Variants in ROBO1 observed in about 807,000 individuals in gnomAD.
ROBO1 encodes the protein roundabout guidance receptor 1, also known as roundabout homolog 1.
ROBO1 carries 149 observed loss-of-function variants against 195.9 expected under a neutral mutation model. The ratio of observed to expected loss-of-function variants is 0.76; its 90% CI spans 0.67 to 0.87. ROBO1 has a LOEUF of 0.87. ROBO1 is among the 40% of genes least tolerant of loss of function. The probability of loss-of-function intolerance (pLI) is 0.00; values close to 1 mark genes in which losing one functional copy is unlikely to be tolerated. For synonymous variants in ROBO1, 816 were observed against 733.2 expected (o/e 1.11, Z -1.82); for missense variants, 1,933 against 2,068.3 (o/e 0.93, Z 1.27).
intron 5 of ROBO1, among the ~76,000 whole-genome samples, chr3:78,733,495 A>T (rs1380286617): frequency 1.3e-5 from 2 of 152,188 alleles, no homozygotes; most frequent in Non-Finnish European, 2.9e-5. Flanking sequence ...GATTACAAGC[A>T]ATTAGAAAAG....
chr3:79,187,388 G>C (rs1029497926), intron 2 of ROBO1, among the ~76,000 whole-genome samples: 2 of 151,958 alleles, frequency 1.3e-5, no homozygotes, highest in African/African-American at 4.8e-5. Flanking sequence ...CTCTGGAGCT[G>C]CATGGATCAC....
intron 6 of ROBO1, 47 bp downstream of exon 6, chr3:78,717,716 T>A: frequency 6.3e-7 from 1 of 1,592,264 alleles, no homozygotes; most frequent in South Asian, 1.1e-5. Context: ...CACAAAATGA[T>A]AAGAGATCTA....
chr3:78,630,525 G>A (rs140268428), intron 25 of ROBO1, among the ~76,000 whole-genome samples: 207 of 152,180 alleles, frequency 1.4e-3, no homozygotes, highest in Non-Finnish European at 2.4e-3. Flanking sequence ...CGATTTATTC[G>A]TTAATTCTCC....
At chr3:79,460,741 TTC>T (rs947135504) in intron 2 of ROBO1, among the ~76,000 whole-genome samples, 7 of 152,226 alleles carry the variant, frequency 4.6e-5, no homozygotes, top group African/African-American at 1.7e-4. Context: ...CAGTATTTTT[TTC>T]TTTTTTCCTT....
intron 2 of ROBO1, among the ~76,000 whole-genome samples, chr3:79,140,311 T>C (rs185883268): frequency 1.9e-4 from 29 of 152,306 alleles, no homozygotes; most frequent in Admixed American, 1.9e-3. Flanking sequence ...ATTTACTTGA[T>C]ATTTTGGAAT....
chr3:79,165,269 T>C (rs2081042051), intron 2 of ROBO1, among the ~76,000 whole-genome samples: 1 of 152,202 alleles, frequency 6.6e-6, no homozygotes, highest in African/African-American at 2.4e-5. Flanking sequence ...TCTACCATAG[T>C]GTTTGTAGTA....
intron 1 of ROBO1, among the ~76,000 whole-genome samples, chr3:79,683,263 C>A (rs892225829): frequency 1.3e-5 from 2 of 151,980 alleles, no homozygotes; most frequent in African/African-American, 4.8e-5. Context: ...CTGATCCTTT[C>A]CCTCTTCCTC....
rs146344153 is a variant in ROBO1, at chr3:79,061,274, C to T, written c.172+64182G>A. On this transcript the variant is annotated intron_variant, in intron 3 of 30. Transcript: ENST00000464233. ...CAATTACTACAAAGAGAATAAAATA[C>T]CTAGAAATCCAACTTACAAGGGATG... is the stretch of plus-strand genomic sequence containing the variant. 2.7e-3 allele frequency among the ~76,000 whole-genome samples: 406 copies of T among 152,184 alleles called. 2 individuals are homozygous for T. Among genetic ancestry groups the T allele is most frequent in the Middle Eastern group, 0.01 (3 of 294 alleles).
At chr3:79,612,123 C>A (rs1944678373) in intron 1 of ROBO1, among the ~76,000 whole-genome samples, 1 of 150,604 alleles carries the variant, frequency 6.6e-6, no homozygotes, top group Non-Finnish European at 1.5e-5. Flanking sequence ...TGGTGCGCTG[C>A]ACCCACTAAC....
chr3:79,236,505 A>AT (rs980535955), intron 2 of ROBO1, among the ~76,000 whole-genome samples: 2 of 151,808 alleles, frequency 1.3e-5, no homozygotes, highest in African/African-American at 4.8e-5. Context: ...TTCCAATAAC[A>AT]TTTTTTTTGA....
At chr3:78,765,758 T>C (rs577303462) in intron 4 of ROBO1, among the ~76,000 whole-genome samples, 1 of 152,162 alleles carries the variant, frequency 6.6e-6, no homozygotes, top group East Asian at 1.9e-4. Flanking sequence ...GTTAAACAGA[T>C]GGCACTCAGG....
intron 2 of ROBO1, among the ~76,000 whole-genome samples, chr3:79,299,603 C>T (rs2032785031): frequency 6.6e-6 from 1 of 151,836 alleles, no homozygotes; most frequent in Non-Finnish European, 1.5e-5. Context: ...AAAGTGTTTG[C>T]CAATAATATA....
At chr3:79,523,193 A>G (rs1225325170) in intron 2 of ROBO1, among the ~76,000 whole-genome samples, 1 of 148,198 alleles carries the variant, frequency 6.7e-6, no homozygotes, top group Non-Finnish European at 1.5e-5. Flanking sequence ...ACACACACAC[A>G]CAAATTAGTA....
chr3:79,056,761 C>G (rs192822679), intron 3 of ROBO1, among the ~76,000 whole-genome samples: 1 of 152,144 alleles, frequency 6.6e-6, no homozygotes, highest in East Asian at 1.9e-4. Context: ...CTTTCTCAGC[C>G]TTTTCAGCTT....
At chr3:78,927,362 G>T (rs944742015) in intron 4 of ROBO1, among the ~76,000 whole-genome samples, 1 of 152,096 alleles carries the variant, frequency 6.6e-6, no homozygotes, top group African/African-American at 2.4e-5. Context: ...TTTTAAAATT[G>T]TATTTTCTTC....
At chr3:79,330,435 G>T (rs1288969133) in intron 2 of ROBO1, among the ~76,000 whole-genome samples, 2 of 150,952 alleles carry the variant, frequency 1.3e-5, no homozygotes, top group Admixed American at 6.6e-5. Context: ...ACTCATAATG[G>T]TTTTTATATT....
intron 2 of ROBO1, among the ~76,000 whole-genome samples, chr3:79,219,415 T>C (rs753687426): frequency 2.5e-4 from 38 of 151,976 alleles, no homozygotes; most frequent in Admixed American, 5.9e-4. Flanking sequence ...GCTTGTACCA[T>C]GTAAATGTGA....
rs1206904526 is a variant in ROBO1, at chr3:78,851,391, A to T, written c.499+87210T>A. ...TCTTAGTTTACGTATGAATACTGTC[A>T]TTAAAAAGACAATGATTAGAGTTAC... On this transcript the variant is annotated intron_variant, in intron 4 of 30. Transcript: ENST00000464233. 1.3e-5 allele frequency among the ~76,000 whole-genome samples: 2 copies of T among 152,240 alleles called. 1 individual carries two copies.
intron 1 of ROBO1, among the ~76,000 whole-genome samples, chr3:79,618,959 A>T (rs1242103328): frequency 6.6e-6 from 1 of 152,160 alleles, no homozygotes; most frequent in Non-Finnish European, 1.5e-5. Context: ...CCAGTCACGA[A>T]CTCAGGAAGA....
Sources: allele counts gnomAD v4.1 joint callset (sites outside exome capture counted in the v4.1 genomes callset), GRCh38; gene constraint gnomAD v4.1.1; transcripts MANE v1.5; gene names NCBI Gene and HGNC (gene_info 2026-07-23, HGNC 2026-07-21).